PLPP1: variants seen among roughly 807,000 people sequenced by gnomAD.
The protein encoded by PLPP1 is lipid phosphate phosphohydrolase 1a.
In PLPP1, 24 loss-of-function variants were observed where a neutral mutation model predicts 31.2. The ratio of observed to expected loss-of-function variants is 0.77; its 90% confidence interval spans 0.56 to 1.08. The LOEUF is 1.08. PLPP1 is among the 50% of genes least tolerant of loss of function. PLPP1 has a pLI of 0.00. For missense variants in PLPP1, 319 were observed against 342.7 expected, an observed-to-expected ratio of 0.93 and a Z score of 0.55; for synonymous variants, 146 against 126.3, an observed-to-expected ratio of 1.16 and a Z score of -1.05.
At chr5:55,522,620 G>C (rs1753694384) in intron 1 of PLPP1, among the ~76,000 whole-genome samples, 1 of 152,184 alleles carries the variant, frequency 6.6e-6, no homozygotes, top group South Asian at 2.1e-4. Context: ...AACTGACTCT[G>C]AAACTACATC....
rs755607290 is a variant in PLPP1, at chr5:55,475,403, G to A, written c.106C>T (p.Arg36Ter). Residue 36 changes from arginine (R) to a stop codon, truncating the protein, a stop_gained, in exon 2 of 6, where the codon CGA becomes TGA. Transcript: ENST00000307259. LOFTEE classifies it high-confidence loss of function. The stretch of plus-strand genomic sequence containing the variant: ...GACTCATCATTACAGAATACTCCTC[G>A]TTGGAAGGGGGTATGCCTTGAAGTA... Reference protein sequence around the residue: ...ILTSRHTPFQRGVFCNDESIK... With the variant: ...ILTSRHTPFQ 10 of 1,612,488 alleles carry A rather than the reference G, an allele frequency of 6.2e-6. No homozygotes were observed. The highest frequency in any genetic ancestry group is 1.1e-5 in the South Asian group (1 of 90,818).
At chr5:55,506,394 TG>T (rs1317863058) in intron 1 of PLPP1, among the ~76,000 whole-genome samples, 1 of 152,126 alleles carries the variant, frequency 6.6e-6, no homozygotes, top group Non-Finnish European at 1.5e-5. Flanking sequence ...ATTACACAGT[TG>T]GTAAGCAGGG....
At chr5:55,520,434 T>C (rs1264757028) in intron 1 of PLPP1, among the ~76,000 whole-genome samples, 6 of 152,194 alleles carry the variant, frequency 3.9e-5, no homozygotes, top group Admixed American at 6.5e-5. Context: ...CAAATTGGCT[T>C]ATTAGCTTAA....
At chr5:55,451,569 T>C (rs550161843) in intron 3 of PLPP1, among the ~76,000 whole-genome samples, 1 of 152,096 alleles carries the variant, frequency 6.6e-6, no homozygotes, top group African/African-American at 2.4e-5. Context: ...TTTTTTTTTT[T>C]TTCTTTTTTT....
At chr5:55,523,568 G>A (rs985894142) in intron 1 of PLPP1, among the ~76,000 whole-genome samples, 3 of 152,138 alleles carry the variant, frequency 2.0e-5, no homozygotes, top group South Asian at 2.1e-4. Context: ...GAGAGTTGTC[G>A]AGAGACTGCA....
At chr5:55,438,769 C>T (rs1024876757) in intron 4 of PLPP1, among the ~76,000 whole-genome samples, 4 of 151,904 alleles carry the variant, frequency 2.6e-5, no homozygotes, top group South Asian at 2.1e-4. Flanking sequence ...GGCGTGGTGG[C>T]GGGCGCCTGT....
chr5:55,465,244 C>A (rs1026806053), intron 3 of PLPP1, among the ~76,000 whole-genome samples: 26 of 151,982 alleles, frequency 1.7e-4, no homozygotes, highest in Non-Finnish European at 2.8e-4. Flanking sequence ...AGGGTTTCAC[C>A]ATGTTGGCCA....
chr5:55,453,166 G>A (rs952039202), intron 3 of PLPP1, among the ~76,000 whole-genome samples: 2 of 152,094 alleles, frequency 1.3e-5, no homozygotes, highest in African/African-American at 4.8e-5. Context: ...CATGCATCGA[G>A]TATCAGTTTA....
chr5:55,432,874 A>T (rs1266258856), intron 4 of PLPP1, among the ~76,000 whole-genome samples: 1 of 152,134 alleles, frequency 6.6e-6, no homozygotes, highest in Non-Finnish European at 1.5e-5. Context: ...ATGTTGCATG[A>T]ACACACAACT....
At chr5:55,510,232 C>A (rs1030273499) in intron 1 of PLPP1, among the ~76,000 whole-genome samples, 2 of 152,144 alleles carry the variant, frequency 1.3e-5, no homozygotes, top group Non-Finnish European at 2.9e-5. Context: ...TTGGCATAAT[C>A]AAAAACGCAT....
At chr5:55,447,254 C>G (rs1751786035) in intron 3 of PLPP1, among the ~76,000 whole-genome samples, 1 of 152,136 alleles carries the variant, frequency 6.6e-6, no homozygotes, top group Non-Finnish European at 1.5e-5. Context: ...TACTAACAGA[C>G]AAAATAGTTT....
intron 1 of PLPP1, among the ~76,000 whole-genome samples, chr5:55,519,025 C>T (rs945703197): frequency 5.3e-5 from 8 of 151,996 alleles, no homozygotes; most frequent in African/African-American, 1.9e-4. Context: ...ACTAAAAAAT[C>T]ATTTACAATG....
chr5:55,504,327 T>C (rs1282102435), intron 1 of PLPP1, among the ~76,000 whole-genome samples: 1 of 146,278 alleles, frequency 6.8e-6, no homozygotes, highest in Non-Finnish European at 1.5e-5. Flanking sequence ...AGTGTCCTAC[T>C]GCACTCCAGC....
chr5:55,521,522 A>C (rs978037086), intron 1 of PLPP1, among the ~76,000 whole-genome samples: 2 of 151,960 alleles, frequency 1.3e-5, no homozygotes, highest in Non-Finnish European at 2.9e-5. Context: ...GTCTCAAAAA[A>C]AAACAAAAAA....
chr5:55,532,463 A>G (rs917972367), intron 1 of PLPP1, among the ~76,000 whole-genome samples: 2 of 152,236 alleles, frequency 1.3e-5, no homozygotes, highest in Non-Finnish European at 2.9e-5. Flanking sequence ...TATTAGAAAT[A>G]TATTTTTTTC....
At chr5:55,479,061 G>A (rs1357869729) in intron 1 of PLPP1, among the ~76,000 whole-genome samples, 1 of 139,848 alleles carries the variant, frequency 7.2e-6, no homozygotes, top group Non-Finnish European at 1.5e-5. Context: ...TTTCACTGTT[G>A]CTGCCCAGGC....
intron 2 of PLPP1, among the ~76,000 whole-genome samples, chr5:55,474,099 C>T (rs553249349): frequency 5.0e-4 from 76 of 150,978 alleles, no homozygotes; most frequent in Non-Finnish European, 9.6e-4. Flanking sequence ...TAGGTTCAAG[C>T]GATTCTCCTG....
chr5:55,497,604 C>T (rs1418741021), intron 1 of PLPP1, among the ~76,000 whole-genome samples: 20 of 151,982 alleles, frequency 1.3e-4, no homozygotes, highest in Admixed American at 1.2e-3. Context: ...GAAAATAACA[C>T]AGCTGTAACT....
At chr5:55,491,072 G>A (rs745901581) in intron 1 of PLPP1, 3 of 1,613,912 alleles carry the variant, frequency 1.9e-6, no homozygotes, top group East Asian at 4.5e-5. Flanking sequence ...TCTCTGAAAT[G>A]GATATATTTG....
Sources: allele counts gnomAD v4.1 joint callset (sites outside exome capture counted in the v4.1 genomes callset), GRCh38; gene constraint gnomAD v4.1.1; transcripts MANE v1.5; gene names NCBI Gene and HGNC (gene_info 2026-07-23, HGNC 2026-07-21).